Variants in CPQ observed in about 807,000 individuals in gnomAD.
The protein encoded by CPQ is Ser-Met dipeptidase.
CPQ carries 37 observed loss-of-function variants against 45.7 expected under a neutral mutation model. That is an observed-to-expected ratio of 0.81 (90% CI 0.62 to 1.07). The LOEUF (loss-of-function observed/expected upper bound fraction) is 1.07, where lower values mean the gene tolerates loss of function less well. Ranked by LOEUF, CPQ falls within the 50% of genes least tolerant of loss-of-function variation. The pLI, the probability that CPQ is intolerant of heterozygous loss-of-function variation, is 0.00. For synonymous variants in CPQ, 186 were observed against 205.8 expected (o/e 0.90, Z 0.82); for missense variants, 537 against 572.9 (o/e 0.94, Z 0.64).
chr8:96,877,316 C>A (rs1390871177), intron 3 of CPQ, among the ~76,000 whole-genome samples: 1 of 152,148 alleles, frequency 6.6e-6, no homozygotes, highest in African/African-American at 2.4e-5. Context: ...GCCGTCTCCT[C>A]AGCTGAGCCA....
intron 7 of CPQ, among the ~76,000 whole-genome samples, chr8:97,099,475 C>T (rs193061544): frequency 1.1e-3 from 160 of 151,882 alleles, no homozygotes; most frequent in African/African-American, 3.7e-3. Context: ...TTAGAAGGGG[C>T]AGGTATTTTC....
At chr8:97,142,535 C>A (rs900587829) in intron 7 of CPQ, among the ~76,000 whole-genome samples, 1 of 152,190 alleles carries the variant, frequency 6.6e-6, no homozygotes, top group Non-Finnish European at 1.5e-5. Flanking sequence ...CGTGCAGATA[C>A]AAAGAAGATA....
At chr8:96,718,518 G>T (rs1809715645) in intron 1 of CPQ, among the ~76,000 whole-genome samples, 2 of 152,120 alleles carry the variant, frequency 1.3e-5, no homozygotes, top group South Asian at 4.1e-4. Context: ...AGACCTTCGT[G>T]GTGAGTGTTA....
intron 4 of CPQ, among the ~76,000 whole-genome samples, chr8:96,964,768 A>ATATC (rs1813526867): frequency 6.6e-6 from 1 of 152,138 alleles, no homozygotes; most frequent in African/African-American, 2.4e-5. Flanking sequence ...CCAGTTTAAG[A>ATATC]TATCTTTGCC....
At chr8:96,651,798 C>T (rs893737282) in intron 1 of CPQ, among the ~76,000 whole-genome samples, 10 of 151,886 alleles carry the variant, frequency 6.6e-5, no homozygotes, top group Non-Finnish European at 1.2e-4. Context: ...ATATATGTCT[C>T]CTTTTTTGCA....
intron 5 of CPQ, among the ~76,000 whole-genome samples, chr8:97,025,532 C>T (rs1048083832): frequency 1.3e-5 from 2 of 152,176 alleles, no homozygotes; most frequent in Non-Finnish European, 1.5e-5. Flanking sequence ...TAAGACTCGG[C>T]ATGGTCCTCC....
chr8:96,757,422 G>T (rs557851671), intron 1 of CPQ, among the ~76,000 whole-genome samples: 27 of 149,692 alleles, frequency 1.8e-4, no homozygotes, highest in Non-Finnish European at 3.3e-4. Context: ...TAATTTGAAG[G>T]CATTGCTTCT....
At chr8:96,930,267 C>T (rs1812955047) in intron 4 of CPQ, among the ~76,000 whole-genome samples, 1 of 152,164 alleles carries the variant, frequency 6.6e-6, no homozygotes, top group Non-Finnish European at 1.5e-5. Context: ...CTTAGAAGAC[C>T]TTCACTTGTT....
At chr8:96,893,389 TC>T (rs1812402416) in intron 4 of CPQ, among the ~76,000 whole-genome samples, 1 of 152,096 alleles carries the variant, frequency 6.6e-6, no homozygotes, top group Non-Finnish European at 1.5e-5. Flanking sequence ...GATAAAAGGG[TC>T]CTTGCCCGTG....
At chr8:96,992,321 T>C (rs931151784) in intron 5 of CPQ, among the ~76,000 whole-genome samples, 1 of 152,174 alleles carries the variant, frequency 6.6e-6, no homozygotes, top group Non-Finnish European at 1.5e-5. Context: ...ACAGGTTGGC[T>C]CTTAAGGACT....
intron 1 of CPQ, among the ~76,000 whole-genome samples, chr8:96,784,259 C>T (rs1347588459): frequency 6.6e-6 from 1 of 152,022 alleles, no homozygotes; most frequent in Non-Finnish European, 1.5e-5. Context: ...TAATTCTCTG[C>T]TTTTTGCAGT....
At chr8:96,703,615 T>C (rs1038581955) in intron 1 of CPQ, among the ~76,000 whole-genome samples, 2 of 152,180 alleles carry the variant, frequency 1.3e-5, no homozygotes, top group African/African-American at 4.8e-5. Flanking sequence ...GATTACATAC[T>C]ATTTGTTGAG....
intron 5 of CPQ, among the ~76,000 whole-genome samples, chr8:97,001,135 T>C (rs1405335507): frequency 6.6e-6 from 1 of 152,178 alleles, no homozygotes; most frequent in African/African-American, 2.4e-5. Context: ...TAAGAAGCTT[T>C]TGGGCTGAGA....
chr8:96,812,980 C>T (rs10955084), intron 2 of CPQ, among the ~76,000 whole-genome samples: 77,947 of 151,656 alleles, frequency 0.51, 21,199 homozygotes, highest in East Asian at 0.88. Context: ...CTTCTTCCTA[C>T]GATATTGGTC....
chr8:96,872,355 C>T (rs1417575522), intron 3 of CPQ, among the ~76,000 whole-genome samples: 1 of 151,900 alleles, frequency 6.6e-6, no homozygotes, highest in Non-Finnish European at 1.5e-5. Flanking sequence ...CGTGTTGGTG[C>T]TCAAAAAGTT....
chr8:96,822,374 G>A (rs1311085122), intron 2 of CPQ, among the ~76,000 whole-genome samples: 1 of 151,944 alleles, frequency 6.6e-6, no homozygotes, highest in Non-Finnish European at 1.5e-5. Flanking sequence ...AGGAGTGCAG[G>A]TATCTCTTTG....
At chr8:96,720,751 G>A (rs879490769) in intron 1 of CPQ, among the ~76,000 whole-genome samples, 12 of 151,836 alleles carry the variant, frequency 7.9e-5, no homozygotes, top group Non-Finnish European at 1.6e-4. Context: ...CTCTATATCT[G>A]TTTATGTACT....
At chr8:96,987,991 ACTGT>A (rs1275984373) in intron 5 of CPQ, among the ~76,000 whole-genome samples, 1 of 152,198 alleles carries the variant, frequency 6.6e-6, no homozygotes, top group Non-Finnish European at 1.5e-5. Context: ...ATCTTTCCAC[ACTGT>A]CTGTCAGCAA....
chr8:96,866,918 C>CCTGTTTATA (rs1429890704), intron 3 of CPQ, among the ~76,000 whole-genome samples: 4 of 152,090 alleles, frequency 2.6e-5, no homozygotes, highest in African/African-American at 9.7e-5. Context: ...TTACCAATGT[C>CCTGTTTATA]CTGTTTATAC....
Sources: gnomAD v4.1 joint callset for allele counts (sites outside exome capture counted in the v4.1 genomes callset) on GRCh38, gnomAD v4.1.1 for gene constraint, MANE v1.5 for transcripts, NCBI Gene and HGNC (gene_info 2026-07-23, HGNC 2026-07-21) for gene names.